The following PALM2AKAP2 variants were observed in gnomAD, a reference collection of about 807,000 sequenced individuals.
The protein encoded by PALM2AKAP2 is PALM2 and AKAP2 fusion, also known as PALM2-AKAP2 fusion protein.
PALM2AKAP2 carries 37 observed loss-of-function variants against 71.5 expected under a neutral mutation model. That is an observed-to-expected ratio of 0.52 (90% CI 0.40 to 0.68). PALM2AKAP2 has a LOEUF of 0.68. Among genes scored for constraint, PALM2AKAP2 ranks in the 30% least tolerant of loss-of-function variants. The pLI, the probability that PALM2AKAP2 is intolerant of heterozygous loss-of-function variation, is 0.00. For missense variants in PALM2AKAP2, 1,224 were observed against 1,191.8 expected, an observed-to-expected ratio of 1.03 and a Z score of -0.40; for synonymous variants, 468 against 478.8, an observed-to-expected ratio of 0.98 and a Z score of 0.29.
At chr9:110,137,063 G>C (rs778909217) in exon 2 of PALM2AKAP2, 15 of 1,613,922 alleles carry the variant, frequency 9.3e-6, no homozygotes, top group Non-Finnish European at 1.3e-5. Context: ...GGCACAGCAG[G>C]AACAGTTGCT....
intron 1 of PALM2AKAP2, among the ~76,000 whole-genome samples, chr9:110,112,368 G>A (rs1156468937): frequency 6.6e-6 from 1 of 152,104 alleles, no homozygotes; most frequent in Non-Finnish European, 1.5e-5. Flanking sequence ...GTGTCTTTGG[G>A]CAAATTACTT....
At chr9:110,034,509 C>G (rs1277232919) in intron 7 of PALM2AKAP2, among the ~76,000 whole-genome samples, 1 of 151,934 alleles carries the variant, frequency 6.6e-6, no homozygotes, top group Non-Finnish European at 1.5e-5. Context: ...TACAACTAGC[C>G]ATTCACTTGG....
At chr9:110,073,952 T>C (rs1002235974) in intron 1 of PALM2AKAP2, among the ~76,000 whole-genome samples, 7 of 152,180 alleles carry the variant, frequency 4.6e-5, no homozygotes, top group African/African-American at 1.4e-4. Flanking sequence ...AAAGGGAATA[T>C]AGTAACTTGG....
At chr9:109,970,136 G>A (rs1588038205) in intron 6 of PALM2AKAP2, among the ~76,000 whole-genome samples, 1 of 152,160 alleles carries the variant, frequency 6.6e-6, no homozygotes, top group South Asian at 2.1e-4. Context: ...TATGGTAAAG[G>A]ATTAGGTTTT....
chr9:109,727,720 T>A (rs536806958), intron 1 of PALM2AKAP2, among the ~76,000 whole-genome samples: 3 of 152,350 alleles, frequency 2.0e-5, no homozygotes, highest in African/African-American at 7.2e-5. Context: ...AATGGTCATA[T>A]TTTTCATGCA....
chr9:109,943,175 T>C (rs1309711758), intron 6 of PALM2AKAP2: 4 of 1,614,066 alleles, frequency 2.5e-6, no homozygotes, highest in Non-Finnish European at 3.4e-6. Flanking sequence ...ACGAAAAAGG[T>C]GCTAGGCTAT....
At chr9:110,116,015 A>C (rs544154993) in intron 1 of PALM2AKAP2, among the ~76,000 whole-genome samples, 14 of 152,316 alleles carry the variant, frequency 9.2e-5, no homozygotes, top group Middle Eastern at 3.4e-3. Context: ...AGCAGGGAAG[A>C]ACATGGTGGG....
At chr9:109,877,385 A>G (rs1829744224) in intron 2 of PALM2AKAP2, among the ~76,000 whole-genome samples, 1 of 152,118 alleles carries the variant, frequency 6.6e-6, no homozygotes, top group South Asian at 2.1e-4. Flanking sequence ...GACACAGTGA[A>G]TGTGAAGGTG....
At chr9:110,122,594 G>T (rs1467247556) in intron 1 of PALM2AKAP2, among the ~76,000 whole-genome samples, 2 of 152,152 alleles carry the variant, frequency 1.3e-5, no homozygotes, top group Non-Finnish European at 2.9e-5. Flanking sequence ...AGGGTATGTG[G>T]CACAGACAAG....
chr9:109,942,742 A>T (rs750835375), intron 6 of PALM2AKAP2: 1 of 1,612,096 alleles, frequency 6.2e-7, no homozygotes, highest in Non-Finnish European at 8.5e-7. Flanking sequence ...AGAGACCAAG[A>T]TTCTCTCTAC....
At chr9:110,118,007 GTGTA>G (rs1381417058) in intron 1 of PALM2AKAP2, among the ~76,000 whole-genome samples, 9 of 150,880 alleles carry the variant, frequency 6.0e-5, no homozygotes, top group African/African-American at 2.2e-4. Context: ...GTGTGTGTGT[GTGTA>G]TGTAGTTCTA....
At chr9:109,941,858 G>A (rs1024975271) in intron 6 of PALM2AKAP2, among the ~76,000 whole-genome samples, 14 of 152,144 alleles carry the variant, frequency 9.2e-5, no homozygotes, top group Non-Finnish European at 2.1e-4. Context: ...AACAATCTAG[G>A]GAAGAGGAAG....
chr9:109,943,477 C>G (rs374222940), intron 6 of PALM2AKAP2: 1 of 1,538,310 alleles, frequency 6.5e-7, no homozygotes, highest in East Asian at 2.2e-5. Context: ...CCACCACTCA[C>G]GTAGACCTCA....
At chr9:110,055,424 A>G (rs187005023) in intron 1 of PALM2AKAP2, among the ~76,000 whole-genome samples, 1 of 151,894 alleles carries the variant, frequency 6.6e-6, no homozygotes, top group South Asian at 2.1e-4. Flanking sequence ...CAAATTCCTG[A>G]CCTCAGGTGA....
At chr9:109,707,468 T>G (rs188464271) in intron 1 of PALM2AKAP2, among the ~76,000 whole-genome samples, 1 of 152,250 alleles carries the variant, frequency 6.6e-6, no homozygotes, top group East Asian at 1.9e-4. Flanking sequence ...TGATGGCAGG[T>G]GAGCAGTGAC....
chr9:110,110,542 C>CTTTTT lies in PALM2AKAP2; in HGVS notation c.157-25565_157-25561dup, dbSNP rs559402514. Among the ~76,000 whole-genome samples, 96 of 95,358 alleles carry CTTTTT rather than the reference C, an allele frequency of 1.0e-3. 3 individuals carry two copies. Among genetic ancestry groups the CTTTTT allele is most frequent in the Non-Finnish European group, 1.4e-3 (66 of 48,790 alleles). 62.6% of individuals were successfully genotyped at this position (95,358 alleles called of 152,430 possible). On this transcript the variant is annotated intron_variant, in intron 1 of 3. Coordinates refer to ENST00000374525, the Ensembl canonical transcript of PALM2AKAP2. ...TATGGTGCATTCATGTTTCTGAACT[C>CTTTTT]TTTTTTTTTTTTTTTTTTTTTTTTG...
chr9:110,054,086 T>C (rs148394311), intron 1 of PALM2AKAP2, among the ~76,000 whole-genome samples: 1 of 152,322 alleles, frequency 6.6e-6, no homozygotes, highest in African/African-American at 2.4e-5. Flanking sequence ...AACAAAATCT[T>C]AGTTCATTCA....
At chr9:109,751,515 C>T (rs1018411044) in intron 1 of PALM2AKAP2, among the ~76,000 whole-genome samples, 8 of 152,136 alleles carry the variant, frequency 5.3e-5, no homozygotes, top group Non-Finnish European at 1.0e-4. Context: ...GCTAGCATCC[C>T]CTTCATTTCA....
chr9:109,962,756 C>T (rs931235024), intron 6 of PALM2AKAP2, among the ~76,000 whole-genome samples: 19 of 152,172 alleles, frequency 1.2e-4, no homozygotes, highest in African/African-American at 4.1e-4. Context: ...GATTCTCCTG[C>T]CTCAGCCTCC....
Sources: gnomAD v4.1 joint callset for allele counts (sites outside exome capture counted in the v4.1 genomes callset) on GRCh38, gnomAD v4.1.1 for gene constraint, MANE v1.5 for transcripts, NCBI Gene and HGNC (gene_info 2026-07-23, HGNC 2026-07-21) for gene names.